The following WDR12 variants were observed in gnomAD, a reference collection of about 807,000 sequenced individuals.
WDR12 encodes the protein ribosome biogenesis protein WDR12.
Under a neutral mutation model 64.3 loss-of-function variants are expected in WDR12, and 42 were observed. The observed-to-expected ratio is 0.65, with a 90% confidence interval of 0.51 to 0.84. WDR12 has a LOEUF of 0.84. Among genes scored for constraint, WDR12 ranks in the 40% least tolerant of loss-of-function variants. The pLI, the probability that WDR12 is intolerant of heterozygous loss-of-function variation, is 0.00. For missense variants in WDR12, 469 were observed against 494.6 expected (o/e 0.95, Z 0.49); for synonymous variants, 158 against 173.3 (o/e 0.91, Z 0.70).
chr2:202,884,711 G>C (rs1688017919), intron 8 of WDR12, among the ~76,000 whole-genome samples, 176 bp from the exon 9 acceptor site: 1 of 152,072 alleles, frequency 6.6e-6, no homozygotes, highest in South Asian at 2.1e-4. Context: ...TTTTATACAA[G>C]ACACTGAGGC....
chr2:202,889,917 T>C (rs1380928882), intron 8 of WDR12, among the ~76,000 whole-genome samples: 1 of 150,578 alleles, frequency 6.6e-6, no homozygotes, highest in Non-Finnish European at 1.5e-5. Context: ...GAAACGTCCA[T>C]CAAAAGAATA....
At chr2:202,889,422 A>G (rs1172956875) in intron 8 of WDR12, among the ~76,000 whole-genome samples, 1 of 152,198 alleles carries the variant, frequency 6.6e-6, no homozygotes, top group Non-Finnish European at 1.5e-5. Context: ...AAAATGGGCT[A>G]TGAGGTGGGA....
intron 8 of WDR12, among the ~76,000 whole-genome samples, chr2:202,890,507 C>A (rs1284529267): frequency 5.9e-5 from 9 of 152,002 alleles, no homozygotes; most frequent in Admixed American, 5.9e-4. Context: ...TGGTGGCTCA[C>A]GCCTGTAATC....
chr2:202,904,333 A>G (rs1337825663), intron 2 of WDR12, among the ~76,000 whole-genome samples: 1 of 152,008 alleles, frequency 6.6e-6, no homozygotes, highest in African/African-American at 2.4e-5. Flanking sequence ...TTCACAGAAA[A>G]AAAAAAATCC....
At chr2:202,892,294 G>A (rs1036546175) in intron 8 of WDR12, among the ~76,000 whole-genome samples, 2 of 152,196 alleles carry the variant, frequency 1.3e-5, no homozygotes, top group Admixed American at 1.3e-4. Context: ...CCAACAGCCA[G>A]GTAATTAGAT....
chr2:202,889,302 AG>A (rs1489694044), intron 8 of WDR12, among the ~76,000 whole-genome samples: 1 of 152,232 alleles, frequency 6.6e-6, no homozygotes, highest in African/African-American at 2.4e-5. Context: ...TATTCAGCAA[AG>A]AACTTGAATC....
intron 2 of WDR12, among the ~76,000 whole-genome samples, chr2:202,903,173 C>T (rs1291818173): frequency 6.6e-6 from 1 of 152,126 alleles, no homozygotes. Flanking sequence ...TACATCATAT[C>T]AACAGAATGA....
rs2105900924 is a variant in WDR12 at position 202,878,400 on chromosome 2, T to A, written c.*2460A>T. The A allele has an allele frequency of 6.6e-6, 1 of 152,322 alleles. No individual in the cohort carries two copies. Among genetic ancestry groups the A allele is most frequent in the South Asian group, 2.1e-4 (1 of 4,826 alleles). The allele number at this position is 152,322 out of a possible 1,614,324, so 9.4% of individuals were successfully genotyped here. On this transcript the variant is annotated 3_prime_UTR_variant, in exon 13 of 13. Transcript: ENST00000261015. Reference sequence around the variant, plus strand: ...TCAAAGTTAGAAGATTTCCAGAGACTACAAATACAATAAAATTTATACCAA... The same window carrying A: ...TCAAAGTTAGAAGATTTCCAGAGACAACAAATACAATAAAATTTATACCAA...
At position 202,880,225 on chromosome 2, in the gene WDR12, T is replaced by A. The variant is rs1481193425; in HGVS notation, c.*635A>T. The A allele has an allele frequency of 6.6e-6, 1 of 152,122 alleles. No individual in the cohort carries two copies. Among genetic ancestry groups the A allele is most frequent in the African/African-American group, 2.4e-5 (1 of 41,426 alleles). 9.4% of individuals were successfully genotyped at this position (152,122 alleles called of 1,614,324 possible). A position where few individuals can be genotyped will look rare whatever the true frequency, so the allele number is the denominator to read the frequency against. On this transcript the variant is annotated 3_prime_UTR_variant, in exon 13 of 13. Transcript: ENST00000261015. ...CTAACAGAAATAAAAATCTCAACAA[T>A]CAATTACTGGATTTCCAATATAACC...
intron 8 of WDR12, among the ~76,000 whole-genome samples, chr2:202,887,012 A>C (rs1688059914): frequency 6.6e-6 from 1 of 152,166 alleles, no homozygotes. Context: ...CTGCTGTATG[A>C]ATAATACCAC....
Position 202,880,734 on chromosome 2 carries a change from A to G in WDR12, c.*126T>C, listed in dbSNP as rs1559157402. The G allele has an allele frequency of 3.1e-6, 2 of 645,472 alleles. No individual in the cohort carries two copies. The allele number at this position is 645,472 out of a possible 1,614,324, so 40.0% of individuals were successfully genotyped here. A position where few individuals can be genotyped will look rare whatever the true frequency, so the allele number is the denominator to read the frequency against. ...AAGAAAAAGTGATACGTTAGCTGTT[A>G]TGAAGGGTGAAAACATTATATAAAC... On this transcript the variant is annotated 3_prime_UTR_variant, in exon 13 of 13. Transcript: ENST00000261015.
intron 8 of WDR12, among the ~76,000 whole-genome samples, chr2:202,888,107 G>GC (rs1455652334): frequency 6.6e-6 from 1 of 152,088 alleles, no homozygotes; most frequent in Non-Finnish European, 1.5e-5. Context: ...ACCAACTGTG[G>GC]CATATCCATA....
At chr2:202,897,052 TAATAC>T (rs946361127) in intron 5 of WDR12, among the ~76,000 whole-genome samples, 2 of 152,154 alleles carry the variant, frequency 1.3e-5, no homozygotes, top group African/African-American at 4.8e-5. Context: ...AAGATGAATG[TAATAC>T]ATTCAATATT....
intron 7 of WDR12, among the ~76,000 whole-genome samples, chr2:202,892,908 A>G (rs1055924292): frequency 2.6e-5 from 4 of 152,178 alleles, no homozygotes; most frequent in African/African-American, 9.6e-5. Context: ...ATAAAACATA[A>G]ACTATATTAG....
At chr2:202,900,892 C>A in intron 3 of WDR12, 133 bp downstream of exon 3, 1 of 613,516 alleles carries the variant, frequency 1.6e-6, no homozygotes, top group Middle Eastern at 4.6e-4. Flanking sequence ...ATAACACACA[C>A]AACATATATA....
chr2:202,899,728 T>G, intron 3 of WDR12, 91 bp from the exon 4 acceptor site: 1 of 1,161,646 alleles, frequency 8.6e-7, no homozygotes, highest in Non-Finnish European at 1.3e-6. Context: ...ATATCTCCTT[T>G]ATATCCTTCA....
rs1458320776 is a variant in WDR12 at position 202,911,467 on chromosome 2, G to A, written c.10C>T (p.Leu4Phe). 3 of 1,614,012 alleles carry A rather than the reference G, an allele frequency of 1.9e-6. No individual in the cohort carries two copies. Among genetic ancestry groups the A allele is most frequent in the South Asian group, 2.2e-5 (2 of 91,074 alleles). ...TTATCAGTGTAGAAGCGTGTTTGGA[G>A]CTGAGCCATGGCGAGGAGTACACAC... The part of the protein sequence containing the change: MAQ[L>F]QTRFYTDNKK... Residue 4 changes from leucine to phenylalanine, a missense_variant, in exon 1 of 13, where the codon CTC becomes TTC. Transcript: ENST00000261015.
rs1439524332 is a variant in WDR12, at chr2:202,884,500, T to C, written c.777A>G (p.Ala259=). ...CATCTGACCACAGAACTGAGGAAAC[T>C]GCCTCCATGTGGCCAGAGAGGGTCA... ...PIVTLSGHME[A]VSSVLWSDAE... Residue 259 remains alanine (A), a synonymous_variant, in exon 9 of 13, where the codon GCA becomes GCG. Coordinates refer to ENST00000261015, the MANE Select transcript of WDR12 (RefSeq NM_018256.4). 1 of 1,614,192 alleles carries C rather than the reference T, an allele frequency of 6.2e-7. No homozygotes were observed.
intron 8 of WDR12, among the ~76,000 whole-genome samples, chr2:202,891,309 G>A (rs931281032): frequency 6.6e-6 from 1 of 152,140 alleles, no homozygotes; most frequent in Non-Finnish European, 1.5e-5. Flanking sequence ...ACCACATCCA[G>A]CTAACTTTTA....
Sources: gnomAD v4.1 joint callset for allele counts (sites outside exome capture counted in the v4.1 genomes callset) on GRCh38, gnomAD v4.1.1 for gene constraint, MANE v1.5 for transcripts, NCBI Gene and HGNC (gene_info 2026-07-23, HGNC 2026-07-21) for gene names.